MFHAS1: variants seen among roughly 807,000 people sequenced by gnomAD.
MFHAS1 encodes the protein multifunctional ROCO family signaling regulator 1.
MFHAS1 carries 50 observed loss-of-function variants against 70.4 expected under a neutral mutation model. The ratio of observed to expected loss-of-function variants is 0.71; its 90% confidence interval spans 0.57 to 0.90. The LOEUF (loss-of-function observed/expected upper bound fraction) is 0.90, where lower values mean the gene tolerates loss of function less well. Ranked by LOEUF, MFHAS1 falls within the 40% of genes least tolerant of loss-of-function variation. The pLI, the probability that MFHAS1 is intolerant of heterozygous loss-of-function variation, is 0.00. For missense variants in MFHAS1, 1,795 were observed against 1,347.6 expected (o/e 1.33, Z -5.20); for synonymous variants, 952 against 620.0 (o/e 1.54, Z -7.96).
At chr8:8,846,310 GGAAGGAGGA>G (rs1437776452) in intron 1 of MFHAS1, among the ~76,000 whole-genome samples, 2 of 113,942 alleles carry the variant, frequency 1.8e-5, no homozygotes, top group Admixed American at 9.0e-5. Flanking sequence ...AAGGAGGAGG[GGAAGGAGGA>G]GAAGGAGGAG....
Position 8,890,111 on chromosome 8 carries a change from A to T in MFHAS1, c.2948T>A (p.Leu983His), listed in dbSNP as rs773071622. The change falls in exon 1 of 3, where the codon CTC becomes CAC. Residue 983 changes from leucine (L) to histidine (H), a missense_variant. Leu to His is a moderately conservative substitution (Grantham distance 99). Coordinates refer to ENST00000276282, the MANE Select transcript of MFHAS1 (RefSeq NM_004225.3). ...WPGLHYTVHILCSKCLKRGSP... is the reference protein window; with the variant it reads ...WPGLHYTVHIHCSKCLKRGSP... ...TCCTCTCTTAAGGCACTTAGAACAG[A>T]GAATGTGCACGGTGTAGTGCAGTCC... 1.9e-6 allele frequency: 3 copies of T among 1,613,748 alleles called. No individual in the cohort carries two copies. The highest frequency in any genetic ancestry group is 2.5e-6 in the Non-Finnish European group (3 of 1,179,800).
chr8:8,797,221 G>C, intron 2 of MFHAS1, 144 bp downstream of exon 2: 2 of 796,428 alleles, frequency 2.5e-6, no homozygotes, highest in Non-Finnish European at 3.7e-6. Context: ...TCATGATGCT[G>C]ATGTCATCCA....
intron 1 of MFHAS1, among the ~76,000 whole-genome samples, chr8:8,852,301 T>A (rs1411749538): frequency 6.6e-6 from 1 of 152,024 alleles, no homozygotes; most frequent in East Asian, 1.9e-4. Flanking sequence ...TGGTGAAACC[T>A]CATCTCTACT....
At position 8,892,936 on chromosome 8, in the gene MFHAS1, G is replaced by T. The variant is rs771390561; in HGVS notation, c.123C>A (p.Pro41=). The T allele has an allele frequency of 6.5e-7, 1 of 1,547,284 alleles. No homozygotes were observed. The highest frequency in any genetic ancestry group is 2.5e-5 in the East Asian group (1 of 40,176). Residue 41 remains proline, a synonymous_variant, in exon 1 of 3, where the codon CCC becomes CCA. Transcript: ENST00000276282. The surrounding 1 kb of genome is among the most constrained non-coding windows in gnomAD (Gnocchi z 4.7). Reference sequence around the variant, plus strand: ...ACTCGAGCGCGTCGGCCCCGGCCCCGGGGCAGGCCCCGGCGGCGGTAAGCG... The same window carrying T: ...ACTCGAGCGCGTCGGCCCCGGCCCCTGGGCAGGCCCCGGCGGCGGTAAGCG... ...QLTLTAAGAC[P]GAGADALESP...
chr8:8,872,625 G>A (rs1563214296), intron 1 of MFHAS1, among the ~76,000 whole-genome samples: 1 of 152,302 alleles, frequency 6.6e-6, no homozygotes, highest in East Asian at 1.9e-4. Flanking sequence ...TCGGATGCAT[G>A]AACAGCATTC....
In MFHAS1 at chr8:8,866,551, C is replaced by A. The variant is rs550455524; in HGVS notation, c.2998+23510G>T. Among the ~76,000 whole-genome samples the A allele has an allele frequency of 3.9e-5, 6 of 152,180 alleles. No individual in the cohort carries two copies. The South Asian group carries it at 1.2e-3, about 32-fold the overall frequency. On this transcript the variant is annotated intron_variant, in intron 1 of 2. Coordinates refer to ENST00000276282, the MANE Select transcript of MFHAS1 (RefSeq NM_004225.3). ...CAGGCTGGTCTTCAACTCCTGGGCT[C>A]AAGCGATCCTCCCACCTCAACCTCT... is the stretch of plus-strand genomic sequence containing the variant.
At chr8:8,795,093 T>A (rs1805846015) in intron 2 of MFHAS1, among the ~76,000 whole-genome samples, 1 of 152,198 alleles carries the variant, frequency 6.6e-6, no homozygotes, top group South Asian at 2.1e-4. Context: ...CATGTCTCTC[T>A]TGGCTCTGGA....
In MFHAS1 at chr8:8,891,780, G is replaced by A. The variant is rs1357937749; in HGVS notation, c.1279C>T (p.His427Tyr). The change falls in exon 1 of 3, where the codon CAC (histidine) becomes TAC (tyrosine). Residue 427 changes from histidine to tyrosine, a missense_variant. Physicochemically the swap from His to Tyr is moderately conservative, Grantham distance 83. Coordinates refer to ENST00000276282, the MANE Select transcript of MFHAS1 (RefSeq NM_004225.3). The surrounding 1 kb of genome is among the most constrained non-coding windows in gnomAD (Gnocchi z 5.4). ...HKAAGKTLLR[H>Y]CLTEERVEGC... ...TCCACTCTCTCCTCGGTGAGGCAGT[G>A]GCGCAGCAAAGTCTTTCCTGCAGCC... 23 of 1,613,220 alleles carry A rather than the reference G, an allele frequency of 1.4e-5. No homozygotes were observed. The highest frequency in any genetic ancestry group is 1.6e-4 in the Middle Eastern group (1 of 6,084).
At chr8:8,864,813 G>A (rs537474255) in intron 1 of MFHAS1, among the ~76,000 whole-genome samples, 2 of 152,170 alleles carry the variant, frequency 1.3e-5, no homozygotes, top group African/African-American at 4.8e-5. Context: ...GAAGGAGAGA[G>A]GGAGAGAGAG....
At position 8,840,011 on chromosome 8, in the gene MFHAS1, T is replaced by C. The variant is rs139446790; in HGVS notation, c.2999-42520A>G. Among the ~76,000 whole-genome samples the C allele has an allele frequency of 9.4e-4, 143 of 152,334 alleles. 2 individuals are homozygous for C. The highest frequency in any genetic ancestry group is 3.2e-3 in the African/African-American group (135 of 41,574). On this transcript the variant is annotated intron_variant, in intron 1 of 2. Transcript: ENST00000276282. ...TTCTCTTAATTCTAGTAAATGGATA[T>C]ACATATACGTATATATACACATATA...
Position 8,892,763 on chromosome 8 carries a change from A to G in MFHAS1, c.296T>C (p.Phe99Ser). 6.4e-7 allele frequency: 1 copy of G among 1,573,338 alleles called. No individual in the cohort carries two copies. Among genetic ancestry groups the G allele is most frequent in the South Asian group, 1.2e-5 (1 of 86,706 alleles). The change falls in exon 1 of 3, where the codon TTC becomes TCC. Residue 99 changes from phenylalanine (F) to serine (S), a missense_variant. Physicochemically the swap from Phe to Ser is radical, Grantham distance 155. Coordinates refer to ENST00000276282, the MANE Select transcript of MFHAS1 (RefSeq NM_004225.3). The surrounding 1 kb of genome is among the most constrained non-coding windows in gnomAD (Gnocchi z 4.7). The part of the protein sequence containing the change: ...LRVLVLRRNR[F>S]ARLPPAVAEL... ...GGCCACCGCCGGGGGCAGCCGGGCG[A>G]AGCGGTTCCTGCGCAGGACCAGGAC...
chr8:8,866,343 C>T (rs1808857245), intron 1 of MFHAS1, among the ~76,000 whole-genome samples: 1 of 149,456 alleles, frequency 6.7e-6, no homozygotes, highest in Non-Finnish European at 1.5e-5. Flanking sequence ...TTTTTTGAGA[C>T]AGGGTCTTAC....
intron 2 of MFHAS1, among the ~76,000 whole-genome samples, chr8:8,792,624 A>G (rs1371239570): frequency 6.6e-6 from 1 of 152,172 alleles, no homozygotes; most frequent in Non-Finnish European, 1.5e-5. Flanking sequence ...AACCAAAAAA[A>G]CAAACCAAAA....
intron 1 of MFHAS1, among the ~76,000 whole-genome samples, chr8:8,834,907 G>C (rs140327685): frequency 6.6e-6 from 1 of 152,320 alleles, no homozygotes; most frequent in Non-Finnish European, 1.5e-5. Flanking sequence ...ATAATTGTGG[G>C]ACACCATGTA....
intron 1 of MFHAS1, among the ~76,000 whole-genome samples, chr8:8,873,329 G>C (rs933036511): frequency 1.3e-5 from 2 of 151,998 alleles, no homozygotes; most frequent in Admixed American, 1.3e-4. Flanking sequence ...ATGAAATGAA[G>C]GATTTTAAAG....
At chr8:8,800,499 A>G (rs1806048983) in intron 1 of MFHAS1, among the ~76,000 whole-genome samples, 1 of 152,150 alleles carries the variant, frequency 6.6e-6, no homozygotes, top group African/African-American at 2.4e-5. Context: ...AGTTTAACAG[A>G]TTTGCTCCAA....
chr8:8,858,580 C>G lies in MFHAS1; in HGVS notation c.2998+31481G>C, dbSNP rs573557244. On this transcript the variant is annotated intron_variant, in intron 1 of 2. Coordinates refer to ENST00000276282, the MANE Select transcript of MFHAS1 (RefSeq NM_004225.3). ...AAAAATATGCCTTTTGGGGGATACT[C>G]TCTTCATTGTGGCGATGGCCTCACA... 3.3e-5 allele frequency among the ~76,000 whole-genome samples: 5 copies of G among 152,190 alleles called. No individual in the cohort carries two copies. In the South Asian group the frequency reaches 1.0e-3, roughly 32 times the overall value.
At chr8:8,863,177 C>G (rs1164007595) in intron 1 of MFHAS1, among the ~76,000 whole-genome samples, 1 of 152,176 alleles carries the variant, frequency 6.6e-6, no homozygotes, top group Non-Finnish European at 1.5e-5. Flanking sequence ...TCTGTTCCAT[C>G]AATCTATCTG....
intron 1 of MFHAS1, among the ~76,000 whole-genome samples, chr8:8,867,764 A>G (rs940470808): frequency 6.6e-6 from 1 of 152,056 alleles, no homozygotes; most frequent in African/African-American, 2.4e-5. Flanking sequence ...TCACCGTGTT[A>G]GGCAGGATTG....
Sources: gnomAD v4.1 joint callset for allele counts (sites outside exome capture counted in the v4.1 genomes callset) on GRCh38, gnomAD v4.1.1 for gene constraint, Gnocchi (gnomAD v3.1) non-coding constraint, MANE v1.5 for transcripts, NCBI Gene and HGNC (gene_info 2026-07-23, HGNC 2026-07-21) for gene names.